The following RNF212B variants were observed in gnomAD, a reference collection of about 807,000 sequenced individuals.
RNF212B encodes ring finger protein 212B, also known as E3 ubiquitin-protein ligase RNF212B.
RNF212B carries 52 observed loss-of-function variants against 55.5 expected under a neutral mutation model. That is an observed-to-expected ratio of 0.94 (90% CI 0.75 to 1.18). The LOEUF is 1.18. Ranked by LOEUF, RNF212B falls within the 50% of genes most tolerant of loss-of-function variation. The pLI, the probability that RNF212B is intolerant of heterozygous loss-of-function variation, is 0.00. For synonymous variants in RNF212B, 99 were observed against 121.4 expected, an observed-to-expected ratio of 0.82 and a Z score of 1.21; for missense variants, 289 against 350.4, an observed-to-expected ratio of 0.82 and a Z score of 1.40.
At chr14:23,236,558 C>A (rs116823274), upstream of RNF212B, among the ~76,000 whole-genome samples, 1,360 of 151,996 alleles carry the variant, frequency 8.9e-3, 19 homozygotes, top group African/African-American at 0.031. Context: ...AAACCCCAAA[C>A]AACAACAACA....
intron 2 of RNF212B, among the ~76,000 whole-genome samples, chr14:23,207,057 G>C (rs1041035746): frequency 1.3e-5 from 2 of 152,134 alleles, no homozygotes; most frequent in African/African-American, 4.8e-5. Flanking sequence ...TAACCATTGA[G>C]CTGCTTAAAA....
intron 4 of RNF212B, among the ~76,000 whole-genome samples, chr14:23,248,017 G>A (rs1884110820): frequency 6.6e-6 from 1 of 152,116 alleles, no homozygotes; most frequent in Admixed American, 6.5e-5. Context: ...AACAGATTCA[G>A]TGTCGGGGGA....
intron 7 of RNF212B, 34 bp from the exon 8 acceptor site, chr14:23,262,631 A>G: frequency 6.5e-7 from 1 of 1,543,896 alleles, no homozygotes; most frequent in Non-Finnish European, 8.7e-7. Context: ...CTGCCTAGAG[A>G]GATTAGAGCC....
At position 23,193,091 on chromosome 14, in the gene RNF212B, TAAAAAAAAAA is replaced by T. The variant is rs3045528; in HGVS notation, c.-78-216_-78-207del. Among the ~76,000 whole-genome samples the T allele has an allele frequency of 1.6e-3, 176 of 113,098 alleles. 1 individual carries two copies. Among genetic ancestry groups the T allele is most frequent in the East Asian group, 3.7e-3 (13 of 3,538 alleles). 74.2% of individuals were successfully genotyped at this position (113,098 alleles called of 152,430 possible). ...TGGGCAACAAGAGAAAAACTCTGTC[TAAAAAAAAAA>T]AAAAAAAAAAAAAAAAAGAATGTTA... On this transcript the variant is annotated intron_variant, in intron 1 of 15. Transcript: ENST00000399910.
intron 1 of RNF212B, among the ~76,000 whole-genome samples, chr14:23,239,855 G>T (rs1883426455): frequency 6.6e-6 from 1 of 151,902 alleles, no homozygotes; most frequent in Non-Finnish European, 1.5e-5. Flanking sequence ...TTGACTTCAG[G>T]TGATCCACCT....
intron 14 of RNF212B, among the ~76,000 whole-genome samples, chr14:23,271,443 A>C (rs1403096355): frequency 6.9e-6 from 1 of 145,024 alleles, no homozygotes; most frequent in Non-Finnish European, 1.5e-5. Flanking sequence ...ACTCCATCTC[A>C]AAAAAAAAAA....
At chr14:23,257,597 G>C (rs1430394496) in intron 4 of RNF212B, among the ~76,000 whole-genome samples, 1 of 152,202 alleles carries the variant, frequency 6.6e-6, no homozygotes, top group East Asian at 1.9e-4. Flanking sequence ...GGAGGAAGCA[G>C]ATGAGACGTA....
At chr14:23,211,623 A>G (rs1046652119) in intron 2 of RNF212B, among the ~76,000 whole-genome samples, 1 of 152,248 alleles carries the variant, frequency 6.6e-6, no homozygotes, top group African/African-American at 2.4e-5. Flanking sequence ...ATGCATAAAA[A>G]GGATAATACG....
At chr14:23,198,599 C>A (rs972219382) in intron 2 of RNF212B, among the ~76,000 whole-genome samples, 4 of 151,886 alleles carry the variant, frequency 2.6e-5, no homozygotes, top group African/African-American at 9.7e-5. Flanking sequence ...TCACTTGAAC[C>A]TGGGAAGCAG....
upstream of RNF212B, among the ~76,000 whole-genome samples, chr14:23,235,972 A>G (rs1384943652): frequency 6.6e-6 from 1 of 152,208 alleles, no homozygotes; most frequent in Non-Finnish European, 1.5e-5. Context: ...TCAAAGAGAA[A>G]TGTTCACAAT....
chr14:23,227,440 A>C (rs1332717269), intron 2 of RNF212B, among the ~76,000 whole-genome samples: 1 of 152,044 alleles, frequency 6.6e-6, no homozygotes, highest in Non-Finnish European at 1.5e-5. Flanking sequence ...ATGATTTCTG[A>C]TCAGGGTGGC....
chr14:23,193,333 T>A (rs938121061), exon 2 of RNF212B: 1 of 152,114 alleles, frequency 6.6e-6, no homozygotes, highest in Non-Finnish European at 1.5e-5. Context: ...AGAAAGCTGT[T>A]GGAGAATGTG....
intron 2 of RNF212B, among the ~76,000 whole-genome samples, chr14:23,204,934 G>A (rs1473895822): frequency 3.3e-5 from 5 of 151,960 alleles, no homozygotes; most frequent in Admixed American, 3.3e-4. Context: ...AGGTCAACAA[G>A]GACTTTAAAA....
Position 23,264,224 on chromosome 14 carries a change from G to A in RNF212B, c.575G>A (p.Ser192Asn), listed in dbSNP as rs1452814317. The change falls in exon 10 of 15, where the codon AGC (serine) becomes AAC (asparagine). Residue 192 changes from serine to asparagine, a missense_variant. Physicochemically the swap from Ser to Asn is conservative, Grantham distance 46. Transcript: ENST00000430154. ...CCTTATAGAGAGGCTGGCTTTGGTAGCTTGGGACAAGTAAGTAATGTTCAC... is the reference window on the plus strand; with the variant it reads ...CCTTATAGAGAGGCTGGCTTTGGTAACTTGGGACAAGTAAGTAATGTTCAC... ...SIPYREAGFGSLGQGGRGLQG... is the reference protein window; with the variant it reads ...SIPYREAGFGNLGQGGRGLQG... 2 of 1,548,946 alleles carry A rather than the reference G, an allele frequency of 1.3e-6. No homozygotes were observed. The highest frequency in any genetic ancestry group is 3.9e-5 in the Admixed American group (2 of 51,004).
chr14:23,259,788 A>C, intron 5 of RNF212B, 96 bp from the exon 6 acceptor site: 1 of 527,520 alleles, frequency 1.9e-6, no homozygotes, highest in Non-Finnish European at 3.3e-6. Flanking sequence ...AGCATTTCTC[A>C]GTAAGTATTA....
chr14:23,225,714 T>C (rs1566409819), intron 2 of RNF212B, among the ~76,000 whole-genome samples: 1 of 151,626 alleles, frequency 6.6e-6, no homozygotes, highest in African/African-American at 2.4e-5. Flanking sequence ...CCAAAAAAAA[T>C]AGAAAGAATA....
At chr14:23,263,041 C>T in intron 9 of RNF212B, 71 bp downstream of exon 9, 2 of 1,329,708 alleles carry the variant, frequency 1.5e-6, no homozygotes, top group Non-Finnish European at 2.1e-6. Context: ...AGTTGTAGCT[C>T]AGATTGGGAC....
chr14:23,242,282 G>A lies in RNF212B; in HGVS notation c.101-974G>A, dbSNP rs185208896. 2.5e-3 allele frequency among the ~76,000 whole-genome samples: 381 copies of A among 152,128 alleles called. 3 individuals are homozygous for A. The highest frequency in any genetic ancestry group is 8.7e-3 in the African/African-American group (362 of 41,524). On this transcript the variant is annotated intron_variant, in intron 2 of 14. Transcript: ENST00000430154. ...TCACTTTGGAGTGGTTTGTCTCCGT[G>A]AAGCATATGCCATGTGATGTTTTCT...
At chr14:23,221,834 A>G (rs375036468) in intron 2 of RNF212B, among the ~76,000 whole-genome samples, 6 of 152,314 alleles carry the variant, frequency 3.9e-5, no homozygotes, top group African/African-American at 1.4e-4. Flanking sequence ...TAACAGGAGG[A>G]ATTTTGGAAA....
Sources: gnomAD v4.1 joint callset for allele counts (sites outside exome capture counted in the v4.1 genomes callset) on GRCh38, gnomAD v4.1.1 for gene constraint, MANE v1.5 for transcripts, NCBI Gene and HGNC (gene_info 2026-07-23, HGNC 2026-07-21) for gene names.